Variants in MACROD2 observed in about 807,000 individuals in gnomAD.
MACROD2 encodes mono-ADP ribosylhydrolase 2, also known as ADP-ribose glycohydrolase MACROD2.
A neutral mutation model predicts 70.4 loss-of-function variants in MACROD2; 36 were observed. That is an observed-to-expected ratio of 0.51 (90% CI 0.39 to 0.68). The LOEUF (loss-of-function observed/expected upper bound fraction) is 0.68. Ranked by LOEUF, MACROD2 falls within the 30% of genes least tolerant of loss-of-function variation. The probability of loss-of-function intolerance (pLI) is 0.00; values close to 1 mark genes in which losing one functional copy is unlikely to be tolerated. For synonymous variants in MACROD2, 172 were observed against 178.8 expected (o/e 0.96, Z 0.30); for missense variants, 496 against 538.4 (o/e 0.92, Z 0.78).
chr20:14,119,680 A>T (rs1015463835), intron 3 of MACROD2, among the ~76,000 whole-genome samples: 2 of 152,168 alleles, frequency 1.3e-5, no homozygotes, highest in Admixed American at 6.5e-5. Context: ...TCCATTTGAC[A>T]CTTATATGTC....
At chr20:14,395,632 G>A (rs921104693) in intron 3 of MACROD2, among the ~76,000 whole-genome samples, 1 of 151,596 alleles carries the variant, frequency 6.6e-6, no homozygotes, top group African/African-American at 2.4e-5. Flanking sequence ...TGCTCATTTT[G>A]TGTTTCATTT....
intron 7 of MACROD2, among the ~76,000 whole-genome samples, chr20:15,480,317 C>T (rs2047079763): frequency 6.6e-6 from 1 of 152,176 alleles, no homozygotes; most frequent in African/African-American, 2.4e-5. Context: ...CTCTTCGCTC[C>T]AGTTTTGGGG....
intron 4 of MACROD2, among the ~76,000 whole-genome samples, chr20:14,563,330 A>G (rs1198369496): frequency 6.6e-6 from 1 of 151,930 alleles, no homozygotes; most frequent in Non-Finnish European, 1.5e-5. Flanking sequence ...GAACGTCTCC[A>G]AAAGGGAATG....
rs988913414 is a variant in MACROD2 at position 15,377,160 on chromosome 20, G to T, written c.541-54245G>T. Among the ~76,000 whole-genome samples, 6 of 152,234 alleles carry T rather than the reference G, an allele frequency of 3.9e-5. No individual in the cohort carries two copies. In the East Asian group the frequency reaches 1.2e-3, roughly 29 times the overall value. On this transcript the variant is annotated intron_variant, in intron 6 of 17. Coordinates refer to ENST00000684519, the MANE Select transcript of MACROD2 (RefSeq NM_001351661.2). Reference sequence around the variant, plus strand: ...CCGCTTCGGCCTCCCAAAGTGCAGGGATTACAGGCATAAGCCACCACGTCA... The same window carrying T: ...CCGCTTCGGCCTCCCAAAGTGCAGGTATTACAGGCATAAGCCACCACGTCA...
At chr20:14,548,888 G>C (rs1393377764) in intron 4 of MACROD2, among the ~76,000 whole-genome samples, 1 of 152,102 alleles carries the variant, frequency 6.6e-6, no homozygotes, top group Non-Finnish European at 1.5e-5. Flanking sequence ...AATTAACCTG[G>C]AGCAACTGGG....
intron 3 of MACROD2, 152 bp from the exon 4 acceptor site, chr20:14,493,327 T>C: frequency 2.1e-6 from 1 of 479,898 alleles, no homozygotes; most frequent in Non-Finnish European, 3.7e-6. Flanking sequence ...AAAATAGTAA[T>C]ACAGGCTGTC....
At chr20:14,220,375 C>T (rs541650809) in intron 3 of MACROD2, among the ~76,000 whole-genome samples, 8 of 152,262 alleles carry the variant, frequency 5.3e-5, no homozygotes, top group Admixed American at 1.3e-4. Context: ...GTCTCACTCC[C>T]CCAGTGCACC....
chr20:15,464,429 A>G (rs1399425216), intron 7 of MACROD2, among the ~76,000 whole-genome samples: 3 of 152,230 alleles, frequency 2.0e-5, no homozygotes, highest in Admixed American at 6.5e-5. Context: ...ACTTTGCTCT[A>G]TCTGTGCAAT....
chr20:15,552,722 C>T (rs1394664163), intron 8 of MACROD2: 6 of 152,190 alleles, frequency 3.9e-5, no homozygotes, highest in African/African-American at 2.4e-5. Flanking sequence ...CCAAGGGCAT[C>T]CCTTAATCAA....
In MACROD2 at chr20:15,936,671, G is replaced by GTATATATATATATATATATA. The variant is rs10626103; in HGVS notation, c.839-788_839-787insATATATATATATATATATAT. 3.6e-3 allele frequency among the ~76,000 whole-genome samples: 510 copies of GTATATATATATATATATATA among 143,196 alleles called. 2 individuals carry two copies. Among genetic ancestry groups the GTATATATATATATATATATA allele is most frequent in the African/African-American group, 9.1e-3 (347 of 38,262 alleles). 93.9% of individuals were successfully genotyped at this position (143,196 alleles called of 152,430 possible). ...TTTTGTCCATAATGTGTATATGTGT[G>GTATATATATATATATATATA]TATATATATATATATATTCATTTTC... On this transcript the variant is annotated intron_variant, in intron 11 of 17. Coordinates refer to ENST00000684519, the MANE Select transcript of MACROD2 (RefSeq NM_001351661.2).
chr20:15,107,939 G>A (rs17357522), intron 5 of MACROD2, among the ~76,000 whole-genome samples: 43,052 of 151,450 alleles, frequency 0.28, 7,511 homozygotes, highest in Non-Finnish European at 0.4. Context: ...CAGAAACAGC[G>A]GTGAGTTAAG....
chr20:14,748,108 T>C (rs1264020465), intron 5 of MACROD2, among the ~76,000 whole-genome samples: 1 of 152,090 alleles, frequency 6.6e-6, no homozygotes, highest in Non-Finnish European at 1.5e-5. Context: ...TTGATGAGCC[T>C]TTCCTTCTCC....
intron 8 of MACROD2, among the ~76,000 whole-genome samples, chr20:15,604,692 G>A (rs934076945): frequency 1.2e-4 from 18 of 152,180 alleles, no homozygotes; most frequent in African/African-American, 4.3e-4. Flanking sequence ...CAACATATGA[G>A]AACATTCTTG....
chr20:14,829,652 C>T (rs1480463731), intron 5 of MACROD2, among the ~76,000 whole-genome samples: 1 of 152,064 alleles, frequency 6.6e-6, no homozygotes. Context: ...GACCTTTTCT[C>T]TCTGGACATA....
At chr20:14,158,095 G>T (rs1397301197) in intron 3 of MACROD2, among the ~76,000 whole-genome samples, 1 of 151,908 alleles carries the variant, frequency 6.6e-6, no homozygotes, top group Non-Finnish European at 1.5e-5. Flanking sequence ...TTCTTTCTTT[G>T]TCTTTTTAGT....
At chr20:14,822,810 G>A (rs1477241800) in intron 5 of MACROD2, among the ~76,000 whole-genome samples, 1 of 151,990 alleles carries the variant, frequency 6.6e-6, no homozygotes, top group Non-Finnish European at 1.5e-5. Context: ...CCACACCATT[G>A]TGTTCATCTC....
chr20:15,209,124 T>TATTA lies in MACROD2; in HGVS notation c.419-20813_419-20812insAATT, dbSNP rs1193064204. ...GGTGGTGGTGGTGGTGGTATTTATT[T>TATTA]ATTTATTTATTTATTTATTTATTTT... On this transcript the variant is annotated intron_variant, in intron 5 of 17. Coordinates refer to ENST00000684519, the MANE Select transcript of MACROD2 (RefSeq NM_001351661.2). Among the ~76,000 whole-genome samples the TATTA allele has an allele frequency of 4.3e-4, 52 of 119,680 alleles. 1 individual carries two copies. The Middle Eastern group carries it at 0.012, about 27-fold the overall frequency. The allele number at this position is 119,680 out of a possible 152,430, so 78.5% of individuals were successfully genotyped here.
At chr20:15,433,005 C>G (rs971308529) in intron 7 of MACROD2, among the ~76,000 whole-genome samples, 2 of 151,944 alleles carry the variant, frequency 1.3e-5, no homozygotes, top group African/African-American at 2.4e-5. Flanking sequence ...AATCCAGCAT[C>G]CTTTATGATA....
At chr20:14,460,521 CT>C (rs1254881363) in intron 3 of MACROD2, among the ~76,000 whole-genome samples, 6 of 151,976 alleles carry the variant, frequency 3.9e-5, no homozygotes, top group African/African-American at 1.5e-4. Flanking sequence ...GCATAAATGT[CT>C]TCTTTTGAGA....
Sources: allele counts gnomAD v4.1 joint callset (sites outside exome capture counted in the v4.1 genomes callset), GRCh38; gene constraint gnomAD v4.1.1; transcripts MANE v1.5; gene names NCBI Gene and HGNC (gene_info 2026-07-23, HGNC 2026-07-21).